Variants in ZNF865 observed in about 807,000 individuals in gnomAD.
The protein encoded by ZNF865 is zinc finger protein 865.
For synonymous variants in ZNF865, 763 were observed against 750.8 expected (o/e 1.02, Z -0.27); for missense variants, 1,311 against 1,593.4 (o/e 0.82, Z 3.02).
At position 55,614,173 on chromosome 19, in the gene ZNF865, G is replaced by A. The variant is rs1048645763; in HGVS notation, c.555G>A (p.Gly185=). The A allele has an allele frequency of 2.8e-5, 41 of 1,477,298 alleles. No individual in the cohort carries two copies. The highest frequency in any genetic ancestry group is 3.6e-5 in the Non-Finnish European group (40 of 1,121,160). The allele number at this position is 1,477,298 out of a possible 1,614,324, so 91.5% of individuals were successfully genotyped here. The change falls in exon 2 of 2, where the codon GGG becomes GGA. Residue 185 remains glycine (G), a synonymous_variant. Transcript: ENST00000568956. The surrounding 1 kb of genome is among the most constrained non-coding windows in gnomAD (Gnocchi z 8.0). ...PGLGAPAGAP[G]PLPAPSQTPP... is the part of the protein sequence containing the mutation. ...TGGGCGCTCCCGCGGGGGCCCCAGG[G>A]CCGCTTCCTGCCCCCTCGCAGACCC...
chr19:55,615,076 C>CG lies in ZNF865; in HGVS notation c.1458_1459insG (p.Phe487ValfsTer83). 1 of 1,188,202 alleles carries CG rather than the reference C, an allele frequency of 8.4e-7. No homozygotes were observed. Among genetic ancestry groups the CG allele is most frequent in the Non-Finnish European group, 1.1e-6 (1 of 951,426 alleles). The allele number at this position is 1,188,202 out of a possible 1,614,324, so 73.6% of individuals were successfully genotyped here. A position where few individuals can be genotyped will look rare whatever the true frequency, so the allele number is the denominator to read the frequency against. On this transcript the variant is annotated frameshift_variant, in exon 2 of 2. Transcript: ENST00000568956. LOFTEE classifies it low-confidence loss of function (END_TRUNC). ...CCTCGGCCCCGCAGCCCCCGCCCAC[C>CG]TTCCCCCCGGGCCCGTACCTCCTGC...
rs1015241400 is a variant in ZNF865, at chr19:55,611,123, C to T, written c.-26-2470C>T. ...CCAGACTCCTACTCCGTGACCATGGCAACTCACTTTGCCTCTCCATGCCTT... is the reference window on the plus strand; with the variant it reads ...CCAGACTCCTACTCCGTGACCATGGTAACTCACTTTGCCTCTCCATGCCTT... On this transcript the variant is annotated intron_variant, in intron 1 of 1. Coordinates refer to ENST00000568956, the MANE Select transcript of ZNF865 (RefSeq NM_001195605.2). The surrounding 1 kb of genome is among the most constrained non-coding windows in gnomAD (Gnocchi z 4.5). 6.6e-6 allele frequency among the ~76,000 whole-genome samples: 1 copy of T among 152,192 alleles called. No homozygotes were observed. Among genetic ancestry groups the T allele is most frequent in the Non-Finnish European group, 1.5e-5 (1 of 68,026 alleles).
At chr19:55,606,556 GCCTT>G (rs1980950475) in intron 1 of ZNF865, among the ~76,000 whole-genome samples, 3 of 152,192 alleles carry the variant, frequency 2.0e-5, no homozygotes, top group Admixed American at 2.0e-4. Context: ...AGGCGGTGAA[GCCTT>G]CCTTCCCAGA....
At chr19:55,609,421 G>A (rs1158974643) in intron 1 of ZNF865, among the ~76,000 whole-genome samples, 1 of 152,128 alleles carries the variant, frequency 6.6e-6, no homozygotes, top group Admixed American at 6.5e-5. Context: ...GGGAGGATTC[G>A]TTGAGCTCAC....
chr19:55,614,531 ACCGCCG>A lies in ZNF865; in HGVS notation c.919_924del (p.Ala307_Ala308del), dbSNP rs1268486132. On this transcript the variant is annotated inframe_deletion, in exon 2 of 2. Transcript: ENST00000568956. The surrounding 1 kb of genome is among the most constrained non-coding windows in gnomAD (Gnocchi z 8.0). ...CCCAGCACCCGCTGCCAGCGCCGCC[ACCGCCG>A]CCGCCCCCTCCACGGTGTCCTCGGG... 7.9e-7 allele frequency: 1 copy of A among 1,261,540 alleles called. No homozygotes were observed. Among genetic ancestry groups the A allele is most frequent in the Non-Finnish European group, 9.9e-7 (1 of 1,009,074 alleles). 78.1% of individuals were successfully genotyped at this position (1,261,540 alleles called of 1,614,324 possible).
At position 55,616,262 on chromosome 19, in the gene ZNF865, G is replaced by A; in HGVS notation, c.2644G>A (p.Gly882Ser). Residue 882 changes from glycine to serine, a missense_variant, in exon 2 of 2, where the codon GGC becomes AGC. Physicochemically the swap from Gly to Ser is moderately conservative, Grantham distance 56. Transcript: ENST00000568956. ...GCGGCCGTACCGATGTGGCGTGTGC[G>A]GCCGAGGCTTCCTGCGCTCCTGGTA... The part of the protein sequence containing the change: ...EQRPYRCGVC[G>S]RGFLRSWYLR... 1 of 1,520,910 alleles carries A rather than the reference G, an allele frequency of 6.6e-7. No individual in the cohort carries two copies. Among genetic ancestry groups the A allele is most frequent in the Non-Finnish European group, 8.8e-7 (1 of 1,138,576 alleles). The allele number at this position is 1,520,910 out of a possible 1,614,324, so 94.2% of individuals were successfully genotyped here.
At position 55,611,150 on chromosome 19, in the gene ZNF865, G is replaced by C. The variant is rs942995826; in HGVS notation, c.-26-2443G>C. On this transcript the variant is annotated intron_variant, in intron 1 of 1. Coordinates refer to ENST00000568956, the MANE Select transcript of ZNF865 (RefSeq NM_001195605.2). This position sits in a 1 kb window ranked among gnomAD's most constrained non-coding sequence, Gnocchi z 4.5. ...ACTCACTTTGCCTCTCCATGCCTTAGTTTTCTAATTTATCCAACGGCGGGA... is the reference window on the plus strand; with the variant it reads ...ACTCACTTTGCCTCTCCATGCCTTACTTTTCTAATTTATCCAACGGCGGGA... Among the ~76,000 whole-genome samples, 1 of 152,138 alleles carries C rather than the reference G, an allele frequency of 6.6e-6. No individual in the cohort carries two copies. The highest frequency in any genetic ancestry group is 1.5e-5 in the Non-Finnish European group (1 of 68,006).
At position 55,613,932 on chromosome 19, in the gene ZNF865, C is replaced by G. The variant is rs1473275380; in HGVS notation, c.314C>G (p.Ser105Trp). 3 of 1,530,510 alleles carry G rather than the reference C, an allele frequency of 2.0e-6. No homozygotes were observed. The highest frequency in any genetic ancestry group is 1.8e-6 in the Non-Finnish European group (2 of 1,142,754). 94.8% of individuals were successfully genotyped at this position (1,530,510 alleles called of 1,614,324 possible). The change falls in exon 2 of 2, where the codon TCG becomes TGG. Residue 105 changes from serine (S) to tryptophan (W), a missense_variant. Physicochemically the swap from Ser to Trp is radical, Grantham distance 177. Transcript: ENST00000568956. ...SSSSSSSSSS[S>W]SSSSSSSSSS... is the part of the protein sequence containing the mutation. ...TCCTCGTCCTCCTCCTCCTCCTCTT[C>G]GTCCTCCTCGTCGTCATCTTCGTCC...
rs1388769150 is a variant in ZNF865 at position 55,615,898 on chromosome 19, C to A, written c.2280C>A (p.Ala760=). Residue 760 remains alanine, a synonymous_variant, in exon 2 of 2, where the codon GCC becomes GCA. Coordinates refer to ENST00000568956, the MANE Select transcript of ZNF865 (RefSeq NM_001195605.2). ...GGCTGGCGGGGGAGGTGGGGGCGGC[C>A]GTGGCGGCACTGGCAGGGGTGTCTG... ...DNGLAGEVGA[A]VAALAGVSGG... is the part of the protein sequence containing the mutation. 4 of 1,473,000 alleles carry A rather than the reference C, an allele frequency of 2.7e-6. No homozygotes were observed. Among genetic ancestry groups the A allele is most frequent in the Non-Finnish European group, 3.6e-6 (4 of 1,119,730 alleles). 91.2% of individuals were successfully genotyped at this position (1,473,000 alleles called of 1,614,324 possible). A position where few individuals can be genotyped will look rare whatever the true frequency, so the allele number is the denominator to read the frequency against.
intron 1 of ZNF865, among the ~76,000 whole-genome samples, chr19:55,608,388 C>T (rs187099336): frequency 1.8e-4 from 26 of 146,132 alleles, no homozygotes; most frequent in African/African-American, 5.7e-4. Flanking sequence ...GATCTTAGCT[C>T]GCTGCAACCT....
In ZNF865 at chr19:55,614,977, G is replaced by A. The variant is rs1365056502; in HGVS notation, c.1359G>A (p.Pro453=). The A allele has an allele frequency of 5.6e-6, 8 of 1,425,590 alleles. No individual in the cohort carries two copies. The highest frequency in any genetic ancestry group is 3.0e-5 in the African/African-American group (2 of 66,454). The allele number at this position is 1,425,590 out of a possible 1,614,324, so 88.3% of individuals were successfully genotyped here. A position where few individuals can be genotyped will look rare whatever the true frequency, so the allele number is the denominator to read the frequency against. The stretch of plus-strand genomic sequence containing the variant: ...TGTGCGGCAAGTCCTACTCGGCTCC[G>A]CAGAGCCTGCTCCGCCACAAGGCCG... The part of the protein sequence containing the change: ...CDLCGKSYSA[P]QSLLRHKAAH... Residue 453 remains proline, a synonymous_variant, in exon 2 of 2, where the codon CCG becomes CCA. Coordinates refer to ENST00000568956, the MANE Select transcript of ZNF865 (RefSeq NM_001195605.2). This position sits in a 1 kb window ranked among gnomAD's most constrained non-coding sequence, Gnocchi z 8.0.
rs1456030696 is a variant in ZNF865, at chr19:55,616,009, C to T, written c.2391C>T (p.Cys797=). 2.6e-6 allele frequency: 4 copies of T among 1,526,482 alleles called. No homozygotes were observed. Among genetic ancestry groups the T allele is most frequent in the Non-Finnish European group, 3.5e-6 (4 of 1,142,932 alleles). The allele number at this position is 1,526,482 out of a possible 1,614,324, so 94.6% of individuals were successfully genotyped here. A position where few individuals can be genotyped will look rare whatever the true frequency, so the allele number is the denominator to read the frequency against. The change falls in exon 2 of 2, where the codon TGC becomes TGT. Residue 797 remains cysteine (C), a synonymous_variant. Coordinates refer to ENST00000568956, the MANE Select transcript of ZNF865 (RefSeq NM_001195605.2). ...SGPERFSCAT[C]GQSFKHFLGL... is the part of the protein sequence containing the mutation. ...CCGAGCGCTTCAGCTGTGCCACGTG[C>T]GGCCAGAGTTTCAAGCACTTCCTGG...
chr19:55,613,345 AG>A (rs1215288624), intron 1 of ZNF865, among the ~76,000 whole-genome samples: 3 of 152,138 alleles, frequency 2.0e-5, no homozygotes, highest in African/African-American at 7.2e-5. Flanking sequence ...GAAGGAAAAG[AG>A]GTGGGGAGTG....
chr19:55,613,763 G>A lies in ZNF865; in HGVS notation c.145G>A (p.Gly49Arg). 6.5e-7 allele frequency: 1 copy of A among 1,534,534 alleles called. No homozygotes were observed. The highest frequency in any genetic ancestry group is 1.2e-5 in the South Asian group (1 of 84,042). ...HQRFEPMELY[G>R]EHAKAVAALP... ...GCGCTTCGAGCCCATGGAACTGTAT[G>A]GGGAACACGCCAAGGCGGTGGCGGC... Residue 49 changes from glycine to arginine, a missense_variant, in exon 2 of 2, where the codon GGG becomes AGG. Physicochemically the swap from Gly to Arg is moderately radical, Grantham distance 125. Transcript: ENST00000568956.
rs140431879 is a variant in ZNF865 at position 55,611,833 on chromosome 19, G to GC, written c.-26-1759dup. Among the ~76,000 whole-genome samples, 2,101 of 152,258 alleles carry GC rather than the reference G, an allele frequency of 0.014. 47 individuals carry two copies. Among genetic ancestry groups the GC allele is most frequent in the African/African-American group, 0.048 (1,997 of 41,528 alleles). On this transcript the variant is annotated intron_variant, in intron 1 of 1. Coordinates refer to ENST00000568956, the MANE Select transcript of ZNF865 (RefSeq NM_001195605.2). This position sits in a 1 kb window ranked among gnomAD's most constrained non-coding sequence, Gnocchi z 4.5. ...CACCCTCCGCCCACTTGGTGGAGGT[G>GC]CTTCCCCAGGCCAGCAAGTAGACCA...
chr19:55,613,669 C>T lies in ZNF865; in HGVS notation c.51C>T (p.Gly17=). Residue 17 remains glycine, a synonymous_variant, in exon 2 of 2, where the codon GGC becomes GGT. Coordinates refer to ENST00000568956, the MANE Select transcript of ZNF865 (RefSeq NM_001195605.2). ...GCGCCGGGGGTGGCGGGAGCAGCGGCATCGGGGGCGAGGACGGGGTGCACT... is the reference window on the plus strand; with the variant it reads ...GCGCCGGGGGTGGCGGGAGCAGCGGTATCGGGGGCGAGGACGGGGTGCACT... ...GSGAGGGGSS[G]IGGEDGVHFQ... 6.5e-7 allele frequency: 1 copy of T among 1,530,372 alleles called. No homozygotes were observed. Among genetic ancestry groups the T allele is most frequent in the Non-Finnish European group, 8.7e-7 (1 of 1,144,360 alleles). 94.8% of individuals were successfully genotyped at this position (1,530,372 alleles called of 1,614,324 possible).
rs1393088844 is a variant in ZNF865 at position 55,614,234 on chromosome 19, A to C, written c.616A>C (p.Thr206Pro). The change falls in exon 2 of 2, where the codon ACC (threonine) becomes CCC (proline). Residue 206 changes from threonine to proline, a missense_variant. Coordinates refer to ENST00000568956, the MANE Select transcript of ZNF865 (RefSeq NM_001195605.2). This position sits in a 1 kb window ranked among gnomAD's most constrained non-coding sequence, Gnocchi z 8.0. ...GPPAAAACDP[T>P]KDDKGYFRRL... ...CCCCGCGGCGGCGGCCTGCGACCCC[A>C]CCAAGGACGACAAGGGCTACTTCCG... is the stretch of plus-strand genomic sequence containing the variant. 3 of 1,509,878 alleles carry C rather than the reference A, an allele frequency of 2.0e-6. No individual in the cohort carries two copies. The highest frequency in any genetic ancestry group is 2.6e-6 in the Non-Finnish European group (3 of 1,134,846). The allele number at this position is 1,509,878 out of a possible 1,614,324, so 93.5% of individuals were successfully genotyped here.
Position 55,614,486 on chromosome 19 carries a change from CACCTCCCGCCGCTGG to C in ZNF865, c.869_883del (p.His290_Gly295delinsArg). ...GGGGGGCCCGCCCCAGCCCGGCCCC[CACCTCCCGCCGCTGG>C]GCCTCCCAGCACCCGCTGCCAGCGC... On this transcript the variant is annotated inframe_deletion, in exon 2 of 2. Coordinates refer to ENST00000568956, the MANE Select transcript of ZNF865 (RefSeq NM_001195605.2). The surrounding 1 kb of genome is among the most constrained non-coding windows in gnomAD (Gnocchi z 8.0). 7.3e-7 allele frequency: 1 copy of C among 1,363,110 alleles called. No individual in the cohort carries two copies. The allele number at this position is 1,363,110 out of a possible 1,614,324, so 84.4% of individuals were successfully genotyped here.
In ZNF865 at chr19:55,616,827, A is replaced by G. The variant is rs1981378708; in HGVS notation, c.*29A>G. 7.0e-7 allele frequency: 1 copy of G among 1,433,114 alleles called. No homozygotes were observed. The highest frequency in any genetic ancestry group is 9.1e-7 in the Non-Finnish European group (1 of 1,098,346). The allele number at this position is 1,433,114 out of a possible 1,614,324, so 88.8% of individuals were successfully genotyped here. A position where few individuals can be genotyped will look rare whatever the true frequency, so the allele number is the denominator to read the frequency against. On this transcript the variant is annotated 3_prime_UTR_variant, in exon 2 of 2. Coordinates refer to ENST00000568956, the MANE Select transcript of ZNF865 (RefSeq NM_001195605.2). ...AGGGGTTCCCATCCCACTCCCATCAAAAGCCCCCTTCTGGACTCCCACCTC... is the reference window on the plus strand; with the variant it reads ...AGGGGTTCCCATCCCACTCCCATCAGAAGCCCCCTTCTGGACTCCCACCTC...
Sources: gnomAD v4.1 joint callset for allele counts (sites outside exome capture counted in the v4.1 genomes callset) on GRCh38, gnomAD v4.1.1 for gene constraint, Gnocchi (gnomAD v3.1) non-coding constraint, MANE v1.5 for transcripts, NCBI Gene and HGNC (gene_info 2026-07-23, HGNC 2026-07-21) for gene names.